OR1E2: variants seen among roughly 807,000 people sequenced by gnomAD.
The protein encoded by OR1E2 is olfactory receptor family 1 subfamily E member 2, also known as olfactory receptor 1E2.
Under a neutral mutation model 5.6 loss-of-function variants are expected in OR1E2, and 6 were observed. The observed-to-expected ratio is 1.08, with a 90% CI of 0.59 to 2.12. The LOEUF is 2.12. Ranked by LOEUF, OR1E2 falls within the 30% of genes most tolerant of loss-of-function variation. The pLI, the probability that OR1E2 is intolerant of heterozygous loss-of-function variation, is 0.00. For synonymous variants in OR1E2, 135 were observed against 157.4 expected (o/e 0.86, Z 1.06); for missense variants, 344 against 391.4 (o/e 0.88, Z 1.02).
In OR1E2 at chr17:3,433,027, G is replaced by C. The variant is rs765168387; in HGVS notation, c.815C>G (p.Ser272Ter). Residue 272 changes from serine to a stop codon, truncating the protein, a stop_gained, in exon 1 of 1, where the codon TCA (serine) becomes TGA (stop). Coordinates refer to ENST00000248384, the MANE Select transcript of OR1E2 (RefSeq NM_003554.2). LOFTEE classifies it high-confidence loss of function. ...GTVIGLYLCP[S>*]ANSSTLKDTV... ...GTCCTTTAGAGTAGAACTATTAGCT[G>C]ATGGGCATAAGTAGAGACCAATAAC... 1.5e-5 allele frequency: 25 copies of C among 1,613,840 alleles called. No individual in the cohort carries two copies. The highest frequency in any genetic ancestry group is 2.1e-5 in the Non-Finnish European group (25 of 1,179,980).
rs187032983 is a variant in OR1E2, at chr17:3,433,775, G to A, written c.67C>T (p.Gln23Ter). Residue 23 changes from glutamine to a stop codon, truncating the protein, a stop_gained, in exon 1 of 1, where the codon CAG (glutamine) becomes TAG (stop). Transcript: ENST00000248384. LOFTEE classifies it high-confidence loss of function. ...AACAGGGCATAGCACAGGTTTTGCT[G>A]CTCTGGTTGGATGGGCAGGCCCAGG... ...LLLGLPIQPE[Q>*]QNLCYALFLA... 1 of 1,613,866 alleles carries A rather than the reference G, an allele frequency of 6.2e-7. No homozygotes were observed. The highest frequency in any genetic ancestry group is 1.7e-5 in the Admixed American group (1 of 60,028).
rs2072517472 is a variant in OR1E2 at position 3,433,815 on chromosome 17, G to C, written c.27C>G (p.Ile9Met). MMGQNQTS[I>M]SDFLLLGLPI... ...GCAGGCCCAGGAGCAGGAAGTCTGA[G>C]ATGCTGGTTTGATTTTGTCCCATCA... The change falls in exon 1 of 1, where the codon ATC (isoleucine) becomes ATG (methionine). Residue 9 changes from isoleucine to methionine, a missense_variant. Ile to Met is a conservative substitution (Grantham distance 10). Coordinates refer to ENST00000248384, the MANE Select transcript of OR1E2 (RefSeq NM_003554.2). The C allele has an allele frequency of 6.2e-7, 1 of 1,611,100 alleles. No homozygotes were observed. Among genetic ancestry groups the C allele is most frequent in the Non-Finnish European group, 8.5e-7 (1 of 1,177,620 alleles).
Position 3,433,800 on chromosome 17 carries a change from G to C in OR1E2, c.42C>G (p.Leu14=), listed in dbSNP as rs1180573463. 14 of 1,612,236 alleles carry C rather than the reference G, an allele frequency of 8.7e-6. No homozygotes were observed. The highest frequency in any genetic ancestry group is 1.2e-5 in the Non-Finnish European group (14 of 1,178,508). ...QNQTSISDFL[L]LGLPIQPEQQ... is the part of the protein sequence containing the mutation. ...GCTCTGGTTGGATGGGCAGGCCCAG[G>C]AGCAGGAAGTCTGAGATGCTGGTTT... is the stretch of plus-strand genomic sequence containing the variant. The change falls in exon 1 of 1, where the codon CTC becomes CTG. Residue 14 remains leucine, a synonymous_variant. Coordinates refer to ENST00000248384, the MANE Select transcript of OR1E2 (RefSeq NM_003554.2).
At position 3,433,216 on chromosome 17, in the gene OR1E2, A is replaced by T. The variant is rs758478725; in HGVS notation, c.626T>A (p.Phe209Tyr). The change falls in exon 1 of 1, where the codon TTT becomes TAT. Residue 209 changes from phenylalanine (F) to tyrosine (Y), a missense_variant. Physicochemically the swap from Phe to Tyr is conservative, Grantham distance 22. Coordinates refer to ENST00000248384, the MANE Select transcript of OR1E2 (RefSeq NM_003554.2). ...GACAAGAATGAGCCCTCCCATGATA[A>T]ATATCACCCATTCATTAACTCGAGT... ...SDTRVNEWVI[F>Y]IMGGLILVIP... 4.3e-6 allele frequency: 7 copies of T among 1,613,566 alleles called. No individual in the cohort carries two copies. In the East Asian group the frequency reaches 1.6e-4, roughly 36 times the overall value.
Position 3,432,959 on chromosome 17 carries a change from T to C in OR1E2, c.883A>G (p.Thr295Ala), listed in dbSNP as rs746736964. Residue 295 changes from threonine to alanine, a missense_variant, in exon 1 of 1, where the codon ACC becomes GCC. Thr to Ala is a moderately conservative substitution (Grantham distance 58, BLOSUM62 0). Coordinates refer to ENST00000248384, the MANE Select transcript of OR1E2 (RefSeq NM_003554.2). The part of the protein sequence containing the change: ...MMYTVVTPML[T>A]PFIYSLRNRD... ...TTCCTCAGGCTGTAGATGAAGGGGGTCAGCATAGGGGTCACCACAGTGTAC... is the reference window on the plus strand; with the variant it reads ...TTCCTCAGGCTGTAGATGAAGGGGGCCAGCATAGGGGTCACCACAGTGTAC... 1.2e-6 allele frequency: 2 copies of C among 1,612,996 alleles called. No homozygotes were observed. Among genetic ancestry groups the C allele is most frequent in the South Asian group, 2.2e-5 (2 of 90,902 alleles).
At position 3,433,006 on chromosome 17, in the gene OR1E2, T is replaced by G. The variant is rs750444804; in HGVS notation, c.836A>C (p.Lys279Thr). ...GTACATCATAGCCATGACAGTGTCC[T>G]TTAGAGTAGAACTATTAGCTGATGG... Reference protein sequence around the residue: ...LCPSANSSTLKDTVMAMMYTV... With the variant: ...LCPSANSSTLTDTVMAMMYTV... The change falls in exon 1 of 1, where the codon AAG (lysine) becomes ACG (threonine). Residue 279 changes from lysine to threonine, a missense_variant. Physicochemically the swap from Lys to Thr is moderately conservative, Grantham distance 78 (BLOSUM62 -1). Coordinates refer to ENST00000248384, the MANE Select transcript of OR1E2 (RefSeq NM_003554.2). 1 of 1,613,930 alleles carries G rather than the reference T, an allele frequency of 6.2e-7. No individual in the cohort carries two copies. The highest frequency in any genetic ancestry group is 8.5e-7 in the Non-Finnish European group (1 of 1,179,968).
In OR1E2 at chr17:3,433,172, G is replaced by C; in HGVS notation, c.670C>G (p.Leu224Val). The C allele has an allele frequency of 6.2e-7, 1 of 1,613,906 alleles. No homozygotes were observed. Among genetic ancestry groups the C allele is most frequent in the Non-Finnish European group, 8.5e-7 (1 of 1,179,860 alleles). Reference protein sequence around the residue: ...LILVIPFLLILGSYARIVSSI... With the variant: ...LILVIPFLLIVGSYARIVSSI... ...GAGACAATTCTTGCATAGGACCCAA[G>C]GATGAGTAGGAATGGGATGACAAGA... Residue 224 changes from leucine to valine, a missense_variant, in exon 1 of 1, where the codon CTT becomes GTT. Physicochemically the swap from Leu to Val is conservative, Grantham distance 32. Transcript: ENST00000248384.
rs1161100156 is a variant in OR1E2, at chr17:3,433,134, C to T, written c.708G>A (p.Lys236=). 2 of 1,613,768 alleles carry T rather than the reference C, an allele frequency of 1.2e-6. No homozygotes were observed. Among genetic ancestry groups the T allele is most frequent in the South Asian group, 2.2e-5 (2 of 91,056 alleles). ...TGCAGATACCCTTAGAAGAAGGGAC[C>T]TTGAGGATGGAGGAGACAATTCTTG... ...SYARIVSSIL[K]VPSSKGICKA... is the part of the protein sequence containing the mutation. Residue 236 remains lysine, a synonymous_variant, in exon 1 of 1, where the codon AAG becomes AAA. Coordinates refer to ENST00000248384, the MANE Select transcript of OR1E2 (RefSeq NM_003554.2).
In OR1E2 at chr17:3,433,674, G is replaced by A; in HGVS notation, c.168C>T (p.His56=). Residue 56 remains histidine, a synonymous_variant, in exon 1 of 1, where the codon CAC becomes CAT. Coordinates refer to ENST00000248384, the MANE Select transcript of OR1E2 (RefSeq NM_003554.2). ...TGCTGAGAAACAAATACACAGGCGT[G>A]TGGAGATGGGAGTCCAGTCGAATGA... ...IVLIRLDSHL[H]TPVYLFLSNL... The A allele has an allele frequency of 6.2e-7, 1 of 1,614,208 alleles. No homozygotes were observed.
Position 3,433,395 on chromosome 17 carries a change from G to A in OR1E2, c.447C>T (p.Leu149=), listed in dbSNP as rs2072512655. The A allele has an allele frequency of 6.2e-7, 1 of 1,614,106 alleles. No individual in the cohort carries two copies. The highest frequency in any genetic ancestry group is 1.3e-5 in the African/African-American group (1 of 74,906). ...LHYTAIMSPM[L]CLSVVALSWV... is the part of the protein sequence containing the mutation. ...AGGACAGCGCCACCACGGAGAGACA[G>A]AGCATGGGGCTCATGATGGCGGTGT... Residue 149 remains leucine, a synonymous_variant, in exon 1 of 1, where the codon CTC becomes CTT. Coordinates refer to ENST00000248384, the MANE Select transcript of OR1E2 (RefSeq NM_003554.2).
In OR1E2 at chr17:3,433,321, C is replaced by T. The variant is rs747194955; in HGVS notation, c.521G>A (p.Arg174Lys). ...HAMLHTLLMARLCFCADNVIP... is the reference protein window; with the variant it reads ...HAMLHTLLMAKLCFCADNVIP... ...CACATTGTCTGCACAAAAACACAAC[C>T]TGGCCATGAGTAAAGTGTGTAACAT... is the stretch of plus-strand genomic sequence containing the variant. Residue 174 changes from arginine to lysine, a missense_variant, in exon 1 of 1, where the codon AGG (arginine) becomes AAG (lysine). Coordinates refer to ENST00000248384, the MANE Select transcript of OR1E2 (RefSeq NM_003554.2). 3 of 1,614,154 alleles carry T rather than the reference C, an allele frequency of 1.9e-6. No homozygotes were observed. Among genetic ancestry groups the T allele is most frequent in the Non-Finnish European group, 2.5e-6 (3 of 1,180,036 alleles).
chr17:3,433,457 G>A lies in OR1E2; in HGVS notation c.385C>T (p.Pro129Ser). The change falls in exon 1 of 1, where the codon CCC becomes TCC. Residue 129 changes from proline (P) to serine (S), a missense_variant. Coordinates refer to ENST00000248384, the MANE Select transcript of OR1E2 (RefSeq NM_003554.2). Reference sequence around the variant, plus strand: ...AAGCAGATGGCGGTGTAGTGCATGGGGAAGCAGATGGCCACATAGCGGTCA... The same window carrying A: ...AAGCAGATGGCGGTGTAGTGCATGGAGAAGCAGATGGCCACATAGCGGTCA... ...AYDRYVAICF[P>S]MHYTAICFLL... The A allele has an allele frequency of 1.9e-6, 3 of 1,613,996 alleles. No homozygotes were observed. Among genetic ancestry groups the A allele is most frequent in the Non-Finnish European group, 2.5e-6 (3 of 1,180,020 alleles).
rs1157665568 is a variant in OR1E2, at chr17:3,433,614, G to A, written c.228C>T (p.Val76=). The A allele has an allele frequency of 6.2e-7, 1 of 1,614,122 alleles. No homozygotes were observed. Among genetic ancestry groups the A allele is most frequent in the Non-Finnish European group, 8.5e-7 (1 of 1,180,040 alleles). Residue 76 remains valine (V), a synonymous_variant, in exon 1 of 1, where the codon GTC becomes GTT. Coordinates refer to ENST00000248384, the MANE Select transcript of OR1E2 (RefSeq NM_003554.2). ...TGTTCTGCAGCAATTTGGGCATTGT[G>A]ACTGAGGAAAAGCAGAGGTCAGAGA... The part of the protein sequence containing the change: ...LSFSDLCFSS[V]TMPKLLQNMQ...
rs772543041 is a variant in OR1E2 at position 3,433,694 on chromosome 17, G to A, written c.148C>T (p.Arg50Ter). 9.9e-6 allele frequency: 16 copies of A among 1,614,142 alleles called. No homozygotes were observed. In the East Asian group the frequency reaches 1.6e-4, roughly 16 times the overall value. ...GGCGTGTGGAGATGGGAGTCCAGTC[G>A]AATGAGGACAATGATGAGGAGGTTC... is the stretch of plus-strand genomic sequence containing the variant. ...LGNLLIIVLI[R>*]LDSHLHTPVY... The change falls in exon 1 of 1, where the codon CGA (arginine) becomes TGA (stop). Residue 50 changes from arginine to a stop codon, truncating the protein, a stop_gained. Coordinates refer to ENST00000248384, the MANE Select transcript of OR1E2 (RefSeq NM_003554.2). LOFTEE classifies it high-confidence loss of function.
chr17:3,433,724 G>A lies in OR1E2; in HGVS notation c.118C>T (p.Leu40=), dbSNP rs765564805. The A allele has an allele frequency of 6.2e-7, 1 of 1,614,170 alleles. No homozygotes were observed. Among genetic ancestry groups the A allele is most frequent in the Non-Finnish European group, 8.5e-7 (1 of 1,180,028 alleles). Residue 40 remains leucine (L), a synonymous_variant, in exon 1 of 1, where the codon CTG becomes TTG. Coordinates refer to ENST00000248384, the MANE Select transcript of OR1E2 (RefSeq NM_003554.2). The part of the protein sequence containing the change: ...LFLAMYLTTL[L]GNLLIIVLIR... ...AGGACAATGATGAGGAGGTTCCCCA[G>A]GAGGGTGGTAAGATACATGGCCAAG...
Position 3,433,554 on chromosome 17 carries a change from G to C in OR1E2, c.288C>G (p.Asp96Glu). ...AGAAGAAGTACATTTGGGTCAGGCA[G>C]TCTGCATAGGGGATGGATGGGTCTT... ...QNQDPSIPYA[D>E]CLTQMYFFLY... The change falls in exon 1 of 1, where the codon GAC (aspartate) becomes GAG (glutamate). Residue 96 changes from aspartate to glutamate, a missense_variant. Coordinates refer to ENST00000248384, the MANE Select transcript of OR1E2 (RefSeq NM_003554.2). 1.2e-6 allele frequency: 2 copies of C among 1,614,224 alleles called. No individual in the cohort carries two copies. Among genetic ancestry groups the C allele is most frequent in the Admixed American group, 3.3e-5 (2 of 60,032 alleles).
Position 3,433,816 on chromosome 17 carries a change from A to G in OR1E2, c.26T>C (p.Ile9Thr). 1.2e-6 allele frequency: 2 copies of G among 1,611,148 alleles called. No homozygotes were observed. Among genetic ancestry groups the G allele is most frequent in the Non-Finnish European group, 1.7e-6 (2 of 1,177,598 alleles). The change falls in exon 1 of 1, where the codon ATC becomes ACC. Residue 9 changes from isoleucine (I) to threonine (T), a missense_variant. Ile to Thr is a moderately conservative substitution (Grantham distance 89). Transcript: ENST00000248384. MMGQNQTS[I>T]SDFLLLGLPI... Reference sequence around the variant, plus strand: ...CAGGCCCAGGAGCAGGAAGTCTGAGATGCTGGTTTGATTTTGTCCCATCAT... The same window carrying G: ...CAGGCCCAGGAGCAGGAAGTCTGAGGTGCTGGTTTGATTTTGTCCCATCAT...
In OR1E2 at chr17:3,433,065, C is replaced by T. The variant is rs2072509430; in HGVS notation, c.777G>A (p.Leu259=). 5 of 1,613,830 alleles carry T rather than the reference C, an allele frequency of 3.1e-6. No homozygotes were observed. The highest frequency in any genetic ancestry group is 4.2e-6 in the Non-Finnish European group (5 of 1,179,930). ...AGAGACCAATAACGGTCCCATAGAA[C>T]AGTGACACCACAGAGAGGTGGGAGC... The part of the protein sequence containing the change: ...TCGSHLSVVS[L]FYGTVIGLYL... Residue 259 remains leucine, a synonymous_variant, in exon 1 of 1, where the codon CTG becomes CTA. Transcript: ENST00000248384.
In OR1E2 at chr17:3,432,917, C is replaced by T. The variant is rs1454233255; in HGVS notation, c.925G>A (p.Ala309Thr). The stretch of plus-strand genomic sequence containing the variant: ...CTTTTACAAATGACCCTTTCCAGGG[C>T]TCCCTTCATGTCTCTGTTCCTCAGG... ...YSLRNRDMKG[A>T]LERVICKRKN... The change falls in exon 1 of 1, where the codon GCC becomes ACC. Residue 309 changes from alanine to threonine, a missense_variant. Physicochemically the swap from Ala to Thr is moderately conservative, Grantham distance 58. Transcript: ENST00000248384. 3 of 1,613,432 alleles carry T rather than the reference C, an allele frequency of 1.9e-6. No homozygotes were observed. The highest frequency in any genetic ancestry group is 2.2e-5 in the South Asian group (2 of 91,018).
Sources: gnomAD v4.1 joint callset for allele counts on GRCh38, gnomAD v4.1.1 for gene constraint, MANE v1.5 for transcripts, NCBI Gene and HGNC (gene_info 2026-07-23, HGNC 2026-07-21) for gene names.